PLGRKT: variants seen among roughly 807,000 people sequenced by gnomAD.
The protein encoded by PLGRKT is plasminogen receptor (KT).
Under a neutral mutation model 18.5 loss-of-function variants are expected in PLGRKT, and 22 were observed. That is an observed-to-expected ratio of 1.19 (90% CI 0.85 to 1.70). The LOEUF (loss-of-function observed/expected upper bound fraction) is 1.70, where lower values mean the gene tolerates loss of function less well. Among genes scored for constraint, PLGRKT ranks in the 40% most tolerant of loss-of-function variants. The pLI, the probability that PLGRKT is intolerant of heterozygous loss-of-function variation, is 0.00. For missense variants in PLGRKT, 235 were observed against 174.4 expected, an observed-to-expected ratio of 1.35 and a Z score of -1.96; for synonymous variants, 72 against 52.8, an observed-to-expected ratio of 1.36 and a Z score of -1.58.
At chr9:5,434,619 G>C (rs568238451) in intron 2 of PLGRKT, among the ~76,000 whole-genome samples, 1 of 146,460 alleles carries the variant, frequency 6.8e-6, no homozygotes. Context: ...GGTGGGGAGC[G>C]CCTCTGCCTG....
At chr9:5,390,570 T>G (rs1586720132) in intron 3 of PLGRKT, among the ~76,000 whole-genome samples, 1 of 151,760 alleles carries the variant, frequency 6.6e-6, no homozygotes, top group South Asian at 2.1e-4. Context: ...ATTTGATAAT[T>G]CAGCAAATCA....
At chr9:5,371,685 G>C (rs1468985057) in intron 3 of PLGRKT, among the ~76,000 whole-genome samples, 4 of 152,142 alleles carry the variant, frequency 2.6e-5, no homozygotes. Context: ...ATTCTTGAAA[G>C]TCACAGCTCC....
At chr9:5,404,915 G>C (rs532235328) in intron 3 of PLGRKT, among the ~76,000 whole-genome samples, 1 of 152,144 alleles carries the variant, frequency 6.6e-6, no homozygotes, top group Admixed American at 6.5e-5. Context: ...AAGTTGATAA[G>C]CAACTTCAGC....
At chr9:5,394,770 A>G (rs1184630278) in intron 3 of PLGRKT, among the ~76,000 whole-genome samples, 1 of 151,954 alleles carries the variant, frequency 6.6e-6, no homozygotes, top group Non-Finnish European at 1.5e-5. Context: ...ATTGGATGCT[A>G]TAACAAAATT....
At chr9:5,370,988 C>T (rs1396912778) in intron 3 of PLGRKT, among the ~76,000 whole-genome samples, 1 of 152,140 alleles carries the variant, frequency 6.6e-6, no homozygotes, top group Non-Finnish European at 1.5e-5. Context: ...TAATTGAATA[C>T]TAACCAAGTT....
chr9:5,420,353 C>T (rs1818551688), intron 3 of PLGRKT, among the ~76,000 whole-genome samples: 1 of 152,148 alleles, frequency 6.6e-6, no homozygotes, highest in African/African-American at 2.4e-5. Context: ...TGTACATGTA[C>T]TAAATGTCAC....
chr9:5,410,326 A>T (rs1818337406), intron 3 of PLGRKT, among the ~76,000 whole-genome samples: 1 of 152,122 alleles, frequency 6.6e-6, no homozygotes, highest in Admixed American at 6.5e-5. Flanking sequence ...ACTTGAGGTC[A>T]GGAGTTTAAG....
rs148697006 is a variant in PLGRKT, at chr9:5,392,110, T to C, written c.82-30222A>G. ...GCATGCTGAACACACTGGGACAAAT[T>C]GAGTTTTCTGTGCCTTTGGGTTTTT... On this transcript the variant is annotated intron_variant, in intron 3 of 5. Coordinates refer to ENST00000223864, the MANE Select transcript of PLGRKT (RefSeq NM_018465.4). 5.4e-4 allele frequency among the ~76,000 whole-genome samples: 82 copies of C among 152,040 alleles called. No homozygotes were observed. In the East Asian group the frequency reaches 0.012, roughly 23 times the overall value.
chr9:5,429,076 TA>T (rs982058300), intron 3 of PLGRKT, among the ~76,000 whole-genome samples: 1 of 151,110 alleles, frequency 6.6e-6, no homozygotes, highest in African/African-American at 2.4e-5. Context: ...TCACAATGAG[TA>T]AAAAAAAATT....
intron 2 of PLGRKT, among the ~76,000 whole-genome samples, chr9:5,434,859 C>A (rs893618227): frequency 1.3e-5 from 2 of 151,648 alleles, no homozygotes; most frequent in Non-Finnish European, 2.9e-5. Context: ...ATGACGATGG[C>A]GGTTTTGTCG....
intron 3 of PLGRKT, among the ~76,000 whole-genome samples, chr9:5,412,580 C>T (rs1407490892): frequency 6.6e-6 from 1 of 152,166 alleles, no homozygotes; most frequent in African/African-American, 2.4e-5. Flanking sequence ...GGAGACTTCC[C>T]AGCCTCTAGA....
intron 3 of PLGRKT, among the ~76,000 whole-genome samples, chr9:5,411,486 G>A (rs1175682870): frequency 6.6e-6 from 1 of 152,030 alleles, no homozygotes; most frequent in East Asian, 1.9e-4. Context: ...CCATCTTAGA[G>A]ATGAAGAAGC....
intron 3 of PLGRKT, among the ~76,000 whole-genome samples, chr9:5,364,935 G>A (rs1251348328): frequency 6.6e-6 from 1 of 152,166 alleles, no homozygotes; most frequent in Non-Finnish European, 1.5e-5. Flanking sequence ...TACAGACATA[G>A]ACAAGGATGA....
intron 3 of PLGRKT, among the ~76,000 whole-genome samples, chr9:5,423,900 T>C (rs1238807688): frequency 1.8e-5 from 2 of 108,650 alleles, no homozygotes; most frequent in Admixed American, 1.8e-4. Flanking sequence ...TAATATATAT[T>C]ACATATATTA....
intron 3 of PLGRKT, among the ~76,000 whole-genome samples, chr9:5,367,305 G>A: frequency 6.6e-6 from 1 of 151,912 alleles, no homozygotes; most frequent in South Asian, 2.1e-4. Context: ...TAAGCAAAAA[G>A]AACAAAGCCA....
chr9:5,429,631 TTC>T (rs1437988468), intron 3 of PLGRKT, among the ~76,000 whole-genome samples: 1 of 152,202 alleles, frequency 6.6e-6, no homozygotes, highest in African/African-American at 2.4e-5. Context: ...AAATTTCTTC[TTC>T]TCATAAAGCC....
At chr9:5,411,084 C>T (rs9987900) in intron 3 of PLGRKT, among the ~76,000 whole-genome samples, 100,271 of 151,942 alleles carry the variant, frequency 0.66, 35,244 homozygotes, top group African/African-American at 0.92. Context: ...AGAAAGCAGA[C>T]AAGAAAAGAT....
At chr9:5,425,273 G>C (rs910917816) in intron 3 of PLGRKT, among the ~76,000 whole-genome samples, 10 of 152,152 alleles carry the variant, frequency 6.6e-5, no homozygotes, top group African/African-American at 2.4e-4. Flanking sequence ...GGAGTTTTTA[G>C]ATGAGTTTAC....
At chr9:5,379,471 C>T (rs569893961) in intron 3 of PLGRKT, among the ~76,000 whole-genome samples, 60 of 152,172 alleles carry the variant, frequency 3.9e-4, no homozygotes, top group African/African-American at 1.4e-3. Flanking sequence ...GTCACATTTC[C>T]AGTGTTCAAC....
Sources: allele counts gnomAD v4.1 joint callset (sites outside exome capture counted in the v4.1 genomes callset), GRCh38; gene constraint gnomAD v4.1.1; transcripts MANE v1.5; gene names NCBI Gene and HGNC (gene_info 2026-07-23, HGNC 2026-07-21).